RRP15: variants seen among roughly 807,000 people sequenced by gnomAD.
RRP15 encodes RRP15-like protein.
RRP15 carries 18 observed loss-of-function variants against 27.1 expected under a neutral mutation model. The ratio of observed to expected loss-of-function variants is 0.66; its 90% CI spans 0.46 to 0.98. The LOEUF (loss-of-function observed/expected upper bound fraction) is 0.98. Ranked by LOEUF, RRP15 falls within the 50% of genes least tolerant of loss-of-function variation. The pLI is 0.00. For synonymous variants in RRP15, 107 were observed against 109.4 expected, an observed-to-expected ratio of 0.98 and a Z score of 0.14; for missense variants, 359 against 337.8, an observed-to-expected ratio of 1.06 and a Z score of -0.49.
rs1403353204 is a variant in RRP15 at position 218,334,309 on chromosome 1, G to A, written c.*3218G>A. 1 of 152,192 alleles carries A rather than the reference G, an allele frequency of 6.6e-6. No individual in the cohort carries two copies. Among genetic ancestry groups the A allele is most frequent in the East Asian group, 1.9e-4 (1 of 5,200 alleles). The allele number at this position is 152,192 out of a possible 1,614,324, so 9.4% of individuals were successfully genotyped here. On this transcript the variant is annotated 3_prime_UTR_variant, in exon 5 of 5. Coordinates refer to ENST00000366932, the MANE Select transcript of RRP15 (RefSeq NM_016052.4). ...AGAACAGTTCAGAGGGTTACCACTAGTACTTAGAGCCTAAAGTCACTCAGT... is the reference window on the plus strand; with the variant it reads ...AGAACAGTTCAGAGGGTTACCACTAATACTTAGAGCCTAAAGTCACTCAGT...
In RRP15 at chr1:218,334,153, ATTATC is replaced by A. The variant is rs1656415093; in HGVS notation, c.*3066_*3070del. ...ATACCTGATTAGGACTGAAAATAGA[ATTATC>A]TTAGTAGTTTAGCACTTTTTATAAT... On this transcript the variant is annotated 3_prime_UTR_variant, in exon 5 of 5. Transcript: ENST00000366932. 6.6e-6 allele frequency: 1 copy of A among 152,172 alleles called. No homozygotes were observed. Among genetic ancestry groups the A allele is most frequent in the African/African-American group, 2.4e-5 (1 of 41,460 alleles). The allele number at this position is 152,172 out of a possible 1,614,324, so 9.4% of individuals were successfully genotyped here. A position where few individuals can be genotyped will look rare whatever the true frequency, so the allele number is the denominator to read the frequency against.
chr1:218,316,917 A>G (rs1027995678), intron 4 of RRP15, among the ~76,000 whole-genome samples: 2 of 152,216 alleles, frequency 1.3e-5, no homozygotes, highest in African/African-American at 4.8e-5. Flanking sequence ...TTAGATTTGG[A>G]TATTCTCACT....
rs1337635230 is a variant in RRP15, at chr1:218,336,059, G to A, written c.*4968G>A. ...CCAAAAGGACATTTTGAGAACTGCC[G>A]GAGCAACAGATACCACCATGTAAGG... On this transcript the variant is annotated 3_prime_UTR_variant, in exon 5 of 5. Transcript: ENST00000366932. 3 of 151,996 alleles carry A rather than the reference G, an allele frequency of 2.0e-5. No homozygotes were observed. Among genetic ancestry groups the A allele is most frequent in the Non-Finnish European group, 2.9e-5 (2 of 67,994 alleles). 9.4% of individuals were successfully genotyped at this position (151,996 alleles called of 1,614,324 possible). A position where few individuals can be genotyped will look rare whatever the true frequency, so the allele number is the denominator to read the frequency against.
chr1:218,335,886 T>C lies in RRP15; in HGVS notation c.*4795T>C, dbSNP rs1006510720. ...TTTATAATTAACTTGTATTGTAGGG[T>C]AACCATTGTCCTTAAATGTTAAGCC... On this transcript the variant is annotated 3_prime_UTR_variant, in exon 5 of 5. Coordinates refer to ENST00000366932, the MANE Select transcript of RRP15 (RefSeq NM_016052.4). 6.6e-6 allele frequency: 1 copy of C among 152,228 alleles called. No homozygotes were observed. The highest frequency in any genetic ancestry group is 2.4e-5 in the African/African-American group (1 of 41,468). 9.4% of individuals were successfully genotyped at this position (152,228 alleles called of 1,614,324 possible).
At chr1:218,290,221 T>C (rs1202536193) in intron 1 of RRP15, among the ~76,000 whole-genome samples, 1 of 152,220 alleles carries the variant, frequency 6.6e-6, no homozygotes, top group East Asian at 1.9e-4. Context: ...CATGGTAATA[T>C]CAAATTACTA....
chr1:218,297,645 G>A (rs1409924076), intron 1 of RRP15, among the ~76,000 whole-genome samples: 1 of 152,116 alleles, frequency 6.6e-6, no homozygotes, highest in East Asian at 1.9e-4. Context: ...TTTACCGGGA[G>A]TTCTGTTTGA....
At chr1:218,298,541 T>A (rs937483067) in intron 1 of RRP15, among the ~76,000 whole-genome samples, 2 of 152,148 alleles carry the variant, frequency 1.3e-5, no homozygotes, top group Non-Finnish European at 1.5e-5. Flanking sequence ...TGGCTCACTT[T>A]CCTGCCAGCA....
chr1:218,318,342 C>T (rs772054178), intron 4 of RRP15, among the ~76,000 whole-genome samples: 2 of 152,096 alleles, frequency 1.3e-5, no homozygotes, highest in Non-Finnish European at 2.9e-5. Context: ...TCACCTATTA[C>T]ATTTGATTCT....
intron 1 of RRP15, among the ~76,000 whole-genome samples, chr1:218,294,190 T>G (rs1249304076): frequency 6.6e-6 from 1 of 152,192 alleles, no homozygotes; most frequent in Non-Finnish European, 1.5e-5. Flanking sequence ...CACAGAAGAC[T>G]TCTGTGATTA....
chr1:218,330,820 T>C, intron 4 of RRP15, 128 bp from the exon 5 acceptor site: 9 of 660,596 alleles, frequency 1.4e-5, no homozygotes, highest in Non-Finnish European at 2.3e-5. Flanking sequence ...AGTCGATTTA[T>C]AATTTCTCTT....
rs748211689 is a variant in RRP15 at position 218,305,073 on chromosome 1, G to A, written c.451G>A (p.Asp151Asn). Reference sequence around the variant, plus strand: ...GGAAATGATGTGCAGAGTAAAGCCAGATGTTGTCCAAGACAAAGAGACAGA... The same window carrying A: ...GGAAATGATGTGCAGAGTAAAGCCAAATGTTGTCCAAGACAAAGAGACAGA... ...EWEMMCRVKP[D>N]VVQDKETERN... is the part of the protein sequence containing the mutation. The change falls in exon 3 of 5, where the codon GAT becomes AAT. Residue 151 changes from aspartate to asparagine, a missense_variant. Physicochemically the swap from Asp to Asn is conservative, Grantham distance 23 (BLOSUM62 1). Transcript: ENST00000366932. The A allele has an allele frequency of 3.7e-6, 6 of 1,613,952 alleles. No individual in the cohort carries two copies. In the Admixed American group the frequency reaches 1.0e-4, roughly 27 times the overall value.
chr1:218,313,808 T>C (rs1464307970), intron 4 of RRP15, among the ~76,000 whole-genome samples: 1 of 152,120 alleles, frequency 6.6e-6, no homozygotes, highest in African/African-American at 2.4e-5. Context: ...CATGAATAAA[T>C]GTAATATCTT....
In RRP15 at chr1:218,333,673, T is replaced by G. The variant is rs1263426392; in HGVS notation, c.*2582T>G. 1.3e-5 allele frequency: 2 copies of G among 152,344 alleles called. No individual in the cohort carries two copies. The highest frequency in any genetic ancestry group is 2.9e-5 in the Non-Finnish European group (2 of 68,154). The allele number at this position is 152,344 out of a possible 1,614,324, so 9.4% of individuals were successfully genotyped here. ...CACCATGCCCAGCTAATTTTTTGTC[T>G]TTTTGATGTAGATGGGGTTACCCCA... On this transcript the variant is annotated 3_prime_UTR_variant, in exon 5 of 5. Transcript: ENST00000366932.
At chr1:218,307,388 G>T (rs1269609453) in intron 3 of RRP15, 43 bp from the exon 4 acceptor site, 2 of 1,518,106 alleles carry the variant, frequency 1.3e-6, no homozygotes. Context: ...GTATTCTAGG[G>T]TAATTATTTA....
intron 3 of RRP15, among the ~76,000 whole-genome samples, chr1:218,306,532 G>T (rs1398723763): frequency 1.3e-5 from 2 of 152,112 alleles, no homozygotes; most frequent in African/African-American, 4.8e-5. Flanking sequence ...GCAACCATAT[G>T]CAGGGATGCT....
intron 1 of RRP15, among the ~76,000 whole-genome samples, chr1:218,286,255 T>C (rs1655547585): frequency 6.6e-6 from 1 of 152,190 alleles, no homozygotes; most frequent in South Asian, 2.1e-4. Context: ...CCAAAATCCT[T>C]AGGCTGTATG....
At chr1:218,312,629 A>G (rs560365127) in intron 4 of RRP15, among the ~76,000 whole-genome samples, 1 of 152,262 alleles carries the variant, frequency 6.6e-6, no homozygotes. Flanking sequence ...TTCTTTGCCA[A>G]ATTGTTTTAG....
chr1:218,296,263 G>A (rs191204438), intron 1 of RRP15, among the ~76,000 whole-genome samples: 1 of 152,252 alleles, frequency 6.6e-6, no homozygotes, highest in East Asian at 1.9e-4. Flanking sequence ...TGACAGCCCC[G>A]TTAGCTTTGC....
At chr1:218,323,009 G>T (rs764746008) in intron 4 of RRP15, among the ~76,000 whole-genome samples, 3 of 152,164 alleles carry the variant, frequency 2.0e-5, no homozygotes, top group Non-Finnish European at 4.4e-5. Flanking sequence ...GCTGCAGCTG[G>T]ACCAGGTGTA....
Sources: gnomAD v4.1 joint callset for allele counts (sites outside exome capture counted in the v4.1 genomes callset) on GRCh38, gnomAD v4.1.1 for gene constraint, MANE v1.5 for transcripts, NCBI Gene and HGNC (gene_info 2026-07-23, HGNC 2026-07-21) for gene names.